Variants in SPSB4 observed in about 807,000 individuals in gnomAD.
The protein encoded by SPSB4 is splA/ryanodine receptor domain and SOCS box containing 4.
Under a neutral mutation model 20.9 loss-of-function variants are expected in SPSB4, and 21 were observed. That is an observed-to-expected ratio of 1.01 (90% CI 0.71 to 1.45). The LOEUF is 1.45. Ranked by LOEUF, SPSB4 falls within the 40% of genes most tolerant of loss-of-function variation. The probability of loss-of-function intolerance (pLI) is 0.00; values close to 1 mark genes in which losing one functional copy is unlikely to be tolerated. For missense variants in SPSB4, 399 were observed against 399.2 expected (o/e 1.00, Z 0.00); for synonymous variants, 207 against 183.8 (o/e 1.13, Z -1.02).
Position 141,124,866 on chromosome 3 carries a change from A to G in SPSB4, c.695-22276A>G, listed in dbSNP as rs116378592. Among the ~76,000 whole-genome samples the G allele has an allele frequency of 5.8e-3, 889 of 152,276 alleles. 9 individuals carry two copies. Among genetic ancestry groups the G allele is most frequent in the African/African-American group, 0.021 (856 of 41,536 alleles). On this transcript the variant is annotated intron_variant, in intron 2 of 2. Coordinates refer to ENST00000310546, the MANE Select transcript of SPSB4 (RefSeq NM_080862.3). The stretch of plus-strand genomic sequence containing the variant: ...TTAGAATCACTCAGATCATGTTAAA[A>G]TGTTGCTTCTGATGCAGTAGGTCAG...
At chr3:141,081,108 A>G (rs1295256997) in intron 2 of SPSB4, among the ~76,000 whole-genome samples, 1 of 152,240 alleles carries the variant, frequency 6.6e-6, no homozygotes. Flanking sequence ...TTTGGATGAC[A>G]AACACTTTAC....
rs1218614004 is a variant in SPSB4, at chr3:141,066,576, G to C, written c.472G>C (p.Gly158Arg). Residue 158 changes from glycine to arginine, a missense_variant, in exon 2 of 3, where the codon GGC becomes CGC. By Grantham distance (125) the Gly-to-Arg change is moderately radical. Coordinates refer to ENST00000310546, the MANE Select transcript of SPSB4 (RefSeq NM_080862.3). ...CTACCACGACGGCAAGAACCAGCCC[G>C]GCGTGGCCTACCCGGCCTTTCTGGG... is the stretch of plus-strand genomic sequence containing the variant. ...RLYHDGKNQP[G>R]VAYPAFLGPD... 6 of 1,553,178 alleles carry C rather than the reference G, an allele frequency of 3.9e-6. No homozygotes were observed. Among genetic ancestry groups the C allele is most frequent in the Non-Finnish European group, 5.2e-6 (6 of 1,149,676 alleles).
intron 2 of SPSB4, among the ~76,000 whole-genome samples, chr3:141,125,186 A>G (rs898990095): frequency 2.0e-5 from 3 of 152,182 alleles, no homozygotes; most frequent in Admixed American, 2.0e-4. Flanking sequence ...GCCTTTATAT[A>G]ATTTTTTTCA....
intron 1 of SPSB4, among the ~76,000 whole-genome samples, chr3:141,060,675 T>C (rs1057457675): frequency 2.0e-5 from 3 of 152,260 alleles, no homozygotes; most frequent in African/African-American, 4.8e-5. Flanking sequence ...TCTGTATATT[T>C]GCAATTCTGA....
intron 2 of SPSB4, among the ~76,000 whole-genome samples, chr3:141,103,165 G>A (rs1348177762): frequency 6.6e-6 from 1 of 152,178 alleles, no homozygotes; most frequent in African/African-American, 2.4e-5. Context: ...GCCTACACTG[G>A]CCTGGAGCCA....
At chr3:141,104,068 G>GA (rs1938652399) in intron 2 of SPSB4, among the ~76,000 whole-genome samples, 1 of 152,164 alleles carries the variant, frequency 6.6e-6, no homozygotes, top group South Asian at 2.1e-4. Flanking sequence ...TCTCAGCAGT[G>GA]AAATAAATAA....
intron 1 of SPSB4, among the ~76,000 whole-genome samples, chr3:141,052,529 C>T (rs1936111992): frequency 6.6e-6 from 1 of 152,156 alleles, no homozygotes; most frequent in Non-Finnish European, 1.5e-5. Context: ...GTTCCGTCGT[C>T]CGTGTAATGG....
Position 141,129,991 on chromosome 3 carries a change from A to G in SPSB4, c.695-17151A>G, listed in dbSNP as rs762304574. ...AAGATGCTGCTTGTGTCCCAGCTGTAGTCACAACCCTTTTTGCTGGGGAAA... is the reference window on the plus strand; with the variant it reads ...AAGATGCTGCTTGTGTCCCAGCTGTGGTCACAACCCTTTTTGCTGGGGAAA... On this transcript the variant is annotated intron_variant, in intron 2 of 2. Transcript: ENST00000310546. 1.7e-4 allele frequency among the ~76,000 whole-genome samples: 26 copies of G among 152,224 alleles called. 1 individual carries two copies. The highest frequency in any genetic ancestry group is 1.7e-3 in the Admixed American group (26 of 15,284).
chr3:141,091,324 C>G (rs371479501), intron 2 of SPSB4, among the ~76,000 whole-genome samples: 8 of 152,200 alleles, frequency 5.3e-5, no homozygotes, highest in African/African-American at 1.9e-4. Flanking sequence ...AAGCCATAAC[C>G]ACCTCGTGAG....
chr3:141,124,140 T>A (rs1939014901), intron 2 of SPSB4: 1 of 152,222 alleles, frequency 6.6e-6, no homozygotes, highest in African/African-American at 2.4e-5. Context: ...AGCTGCCTCC[T>A]CTCTCCCGAA....
At chr3:141,118,852 A>G (rs926406538) in intron 2 of SPSB4, among the ~76,000 whole-genome samples, 1 of 152,024 alleles carries the variant, frequency 6.6e-6, no homozygotes, top group Admixed American at 6.6e-5. Flanking sequence ...TGATCTATAT[A>G]TCTGTTTTGG....
chr3:141,136,770 G>A (rs1939235023), intron 2 of SPSB4, among the ~76,000 whole-genome samples: 1 of 152,170 alleles, frequency 6.6e-6, no homozygotes, highest in South Asian at 2.1e-4. Flanking sequence ...AAGTGAGGTA[G>A]CGTGATGCCT....
At chr3:141,099,579 GC>G (rs1194449420) in intron 2 of SPSB4, among the ~76,000 whole-genome samples, 1 of 152,210 alleles carries the variant, frequency 6.6e-6, no homozygotes, top group African/African-American at 2.4e-5. Context: ...CATTGCTGAT[GC>G]TGAATGCCAT....
chr3:141,138,943 T>C (rs189679430), intron 2 of SPSB4, among the ~76,000 whole-genome samples: 1 of 152,318 alleles, frequency 6.6e-6, no homozygotes, highest in South Asian at 2.1e-4. Context: ...GGTGTTAAAG[T>C]CTCCCATTAT....
Position 141,055,133 on chromosome 3 carries a change from G to T in SPSB4, c.-154+3141G>T, listed in dbSNP as rs554581420. Among the ~76,000 whole-genome samples the T allele has an allele frequency of 7.9e-5, 12 of 152,316 alleles. No individual in the cohort carries two copies. In the East Asian group the frequency reaches 2.3e-3, roughly 29 times the overall value. ...GGCTCCATTAAGAAATGCAGATGTG[G>T]TGCAAGAGATAGCAGCAGGAATCAA... On this transcript the variant is annotated intron_variant, in intron 1 of 2. Transcript: ENST00000310546.
chr3:141,057,363 G>T (rs866984435), intron 1 of SPSB4, among the ~76,000 whole-genome samples: 2 of 152,118 alleles, frequency 1.3e-5, no homozygotes, highest in East Asian at 3.8e-4. Flanking sequence ...ACCTATCATT[G>T]GTACCTTTGC....
intron 1 of SPSB4, among the ~76,000 whole-genome samples, chr3:141,056,390 C>T (rs983773986): frequency 4.6e-5 from 7 of 152,318 alleles, no homozygotes; most frequent in South Asian, 2.1e-4. Flanking sequence ...GCTCCCTCCC[C>T]GATCCTGCTC....
At chr3:141,090,751 A>G (rs1938437173) in intron 2 of SPSB4, among the ~76,000 whole-genome samples, 1 of 152,214 alleles carries the variant, frequency 6.6e-6, no homozygotes, top group Non-Finnish European at 1.5e-5. Flanking sequence ...GAAGGGTGGC[A>G]TGATTTGCCT....
intron 2 of SPSB4, among the ~76,000 whole-genome samples, chr3:141,067,269 T>G (rs116677636): frequency 0.014 from 2,124 of 152,300 alleles, 47 homozygotes; most frequent in African/African-American, 0.049. Context: ...AAGTAATAAG[T>G]ACTGATAACC....
Sources: gnomAD v4.1 joint callset for allele counts (sites outside exome capture counted in the v4.1 genomes callset) on GRCh38, gnomAD v4.1.1 for gene constraint, MANE v1.5 for transcripts, NCBI Gene and HGNC (gene_info 2026-07-23, HGNC 2026-07-21) for gene names.